Variants in SYBU observed in about 807,000 individuals in gnomAD.
SYBU encodes the protein syntabulin, also known as GOLSYN A protein.
In SYBU, 21 loss-of-function variants were observed where a neutral mutation model predicts 35.9. The observed-to-expected ratio is 0.58, with a 90% CI of 0.41 to 0.84. The LOEUF is 0.84. SYBU is among the 40% of genes least tolerant of loss of function. The pLI is 0.00. For missense variants in SYBU, 768 were observed against 848.2 expected, an observed-to-expected ratio of 0.91 and a Z score of 1.17; for synonymous variants, 319 against 324.3, an observed-to-expected ratio of 0.98 and a Z score of 0.18.
intron 1 of SYBU, among the ~76,000 whole-genome samples, chr8:109,664,487 C>T (rs1311317953): frequency 6.6e-6 from 1 of 152,178 alleles, no homozygotes; most frequent in African/African-American, 2.4e-5. Flanking sequence ...AATTTGACTA[C>T]ATTTAACTCA....
rs7820861 is a variant in SYBU, at chr8:109,619,814, G to A, written c.230-775C>T. Among the ~76,000 whole-genome samples, 539 of 152,284 alleles carry A rather than the reference G, an allele frequency of 3.5e-3. 3 individuals carry two copies. The highest frequency in any genetic ancestry group is 0.012 in the African/African-American group (517 of 41,548). ...ACAGAGTTTGAAAGATAAGTCATCC[G>A]ACTTTAGGGTTCAAAGAAGCAGTGT... On this transcript the variant is annotated intron_variant, in intron 2 of 6. Coordinates refer to ENST00000276646, the MANE Select transcript of SYBU (RefSeq NM_001099754.2).
At chr8:109,679,741 C>A (rs1015552925) in intron 1 of SYBU, among the ~76,000 whole-genome samples, 6 of 152,178 alleles carry the variant, frequency 3.9e-5, no homozygotes, top group African/African-American at 1.4e-4. Context: ...TTTCTGAATG[C>A]CTGCAAAAAT....
At chr8:109,646,227 CGACACTCTGATCCTTA>C (rs1815682857), upstream of SYBU, 1 of 145,284 alleles carries the variant, frequency 6.9e-6, no homozygotes, top group South Asian at 2.1e-4. Flanking sequence ...CCAAGCAGTG[CGACACTCTGATCCTTA>C]TGCACCAGTG....
chr8:109,639,630 T>G (rs942013560), intron 2 of SYBU, among the ~76,000 whole-genome samples: 5 of 152,234 alleles, frequency 3.3e-5, no homozygotes, highest in African/African-American at 1.2e-4. Flanking sequence ...AATAGATCCC[T>G]TTAAATTATT....
chr8:109,654,500 T>C (rs1447902414), intron 1 of SYBU, among the ~76,000 whole-genome samples: 5 of 152,180 alleles, frequency 3.3e-5, no homozygotes, highest in African/African-American at 1.2e-4. Context: ...AAATGTTGCT[T>C]TTGCTCACTT....
At chr8:109,615,101 A>G (rs1811592956) in intron 3 of SYBU, among the ~76,000 whole-genome samples, 1 of 152,212 alleles carries the variant, frequency 6.6e-6, no homozygotes, top group Non-Finnish European at 1.5e-5. Context: ...TCCTGAGGTG[A>G]ACAGCAGTGT....
At chr8:109,641,093 T>C (rs1251463752) in intron 2 of SYBU, among the ~76,000 whole-genome samples, 1 of 152,216 alleles carries the variant, frequency 6.6e-6, no homozygotes, top group Non-Finnish European at 1.5e-5. Context: ...TTATCCACTG[T>C]GAAACATTCT....
chr8:109,664,526 G>A (rs1035226833), intron 1 of SYBU, among the ~76,000 whole-genome samples: 2 of 152,118 alleles, frequency 1.3e-5, no homozygotes, highest in African/African-American at 4.8e-5. Context: ...TAACCACAAA[G>A]CTACTTTTTT....
At chr8:109,673,592 G>T (rs1264763615) in intron 1 of SYBU, among the ~76,000 whole-genome samples, 1 of 152,246 alleles carries the variant, frequency 6.6e-6, no homozygotes, top group Admixed American at 6.5e-5. Flanking sequence ...GTGCAAAAAG[G>T]CTGAAAATTC....
intron 6 of SYBU, among the ~76,000 whole-genome samples, chr8:109,576,389 A>G (rs374112778): frequency 1.3e-5 from 2 of 152,298 alleles, no homozygotes; most frequent in African/African-American, 2.4e-5. Flanking sequence ...TACAAGTCTT[A>G]TCTTCTACTC....
chr8:109,676,537 T>C (rs1160630752), intron 1 of SYBU, among the ~76,000 whole-genome samples: 1 of 152,208 alleles, frequency 6.6e-6, no homozygotes, highest in Non-Finnish European at 1.5e-5. Flanking sequence ...TGGTTACCAT[T>C]ATTAGAAAGA....
chr8:109,608,179 G>A lies in SYBU; in HGVS notation c.427+10663C>T, dbSNP rs1826262178. Reference sequence around the variant, plus strand: ...CAGGGCCTTCTCCCTGGTGACTGCAGTGTTCCAATGAAACCATCGCCCTCA... The same window carrying A: ...CAGGGCCTTCTCCCTGGTGACTGCAATGTTCCAATGAAACCATCGCCCTCA... On this transcript the variant is annotated intron_variant, in intron 3 of 6. Coordinates refer to ENST00000276646, the MANE Select transcript of SYBU (RefSeq NM_001099754.2). 4 of 462,118 alleles carry A rather than the reference G, an allele frequency of 8.7e-6. No homozygotes were observed. The South Asian group carries it at 2.1e-4, about 24-fold the overall frequency. 28.6% of individuals were successfully genotyped at this position (462,118 alleles called of 1,614,324 possible).
In SYBU at chr8:109,642,977, C is replaced by T. The variant is rs752361590; in HGVS notation, c.25-45G>A. ...AAAGAAAACAAAAGGAAACGCGTTT[C>T]CCTCTCTTAACTCCTGTCGGTTCCT... On this transcript the variant is annotated intron_variant, in intron 1 of 6. Transcript: ENST00000276646. 11 of 1,454,606 alleles carry T rather than the reference C, an allele frequency of 7.6e-6. No homozygotes were observed. In the East Asian group the frequency reaches 1.0e-4, roughly 13 times the overall value. The allele number at this position is 1,454,606 out of a possible 1,614,324, so 90.1% of individuals were successfully genotyped here.
intron 3 of SYBU, among the ~76,000 whole-genome samples, chr8:109,605,902 AT>A (rs1385311765): frequency 6.6e-6 from 1 of 152,234 alleles, no homozygotes; most frequent in Non-Finnish European, 1.5e-5. Context: ...TTGAACCTAG[AT>A]TTTAATCATC....
intron 3 of SYBU, among the ~76,000 whole-genome samples, chr8:109,591,985 T>A (rs1366992248): frequency 4.0e-5 from 6 of 151,808 alleles, no homozygotes; most frequent in Non-Finnish European, 5.9e-5. Flanking sequence ...AGTATCCTCA[T>A]CCATAAAATA....
At chr8:109,644,987 C>T (rs1365165391), upstream of SYBU, 11 of 496,194 alleles carry the variant, frequency 2.2e-5, no homozygotes, top group Non-Finnish European at 3.7e-5. Flanking sequence ...CACGGCACTC[C>T]GCGCCCCCCC....
At chr8:109,671,021 C>T (rs1816960738) in intron 1 of SYBU, among the ~76,000 whole-genome samples, 1 of 152,114 alleles carries the variant, frequency 6.6e-6, no homozygotes. Context: ...GAGTCAACAG[C>T]TCTCAAATTA....
Position 109,575,040 on chromosome 8 carries a change from G to A in SYBU, c.1858C>T (p.Pro620Ser). The A allele has an allele frequency of 6.2e-7, 1 of 1,607,328 alleles. No individual in the cohort carries two copies. The highest frequency in any genetic ancestry group is 8.5e-7 in the Non-Finnish European group (1 of 1,175,840). Residue 620 changes from proline (P) to serine (S), a missense_variant, in exon 7 of 7, where the codon CCC (proline) becomes TCC (serine). Coordinates refer to ENST00000276646, the MANE Select transcript of SYBU (RefSeq NM_001099754.2). ...GTACTGAATGCCCACAGAACCGTGGGGACCACGGGGGCAGCCACAGCCAGG... is the reference window on the plus strand; with the variant it reads ...GTACTGAATGCCCACAGAACCGTGGAGACCACGGGGGCAGCCACAGCCAGG... Reference protein sequence around the residue: ...DLLAVAAPVVPTVLWAFSTQR... With the variant: ...DLLAVAAPVVSTVLWAFSTQR...
chr8:109,630,286 G>T (rs1307107933), intron 2 of SYBU, among the ~76,000 whole-genome samples: 5 of 116,562 alleles, frequency 4.3e-5, no homozygotes, highest in Non-Finnish European at 8.5e-5. Context: ...GGTGGGGGGA[G>T]GGGGGAGGGA....
Sources: gnomAD v4.1 joint callset for allele counts (sites outside exome capture counted in the v4.1 genomes callset) on GRCh38, gnomAD v4.1.1 for gene constraint, MANE v1.5 for transcripts, NCBI Gene and HGNC (gene_info 2026-07-23, HGNC 2026-07-21) for gene names.